PLCB1: variants seen among roughly 807,000 people sequenced by gnomAD.
PLCB1 encodes the protein phospholipase C beta 1.
A neutral mutation model predicts 161.8 loss-of-function variants in PLCB1; 46 were observed. That is an observed-to-expected ratio of 0.28 (90% CI 0.22 to 0.36). The LOEUF (loss-of-function observed/expected upper bound fraction) is 0.36, where lower values mean the gene tolerates loss of function less well. PLCB1 is among the 10% of genes least tolerant of loss of function. The pLI, the probability that PLCB1 is intolerant of heterozygous loss-of-function variation, is 1.00. For missense variants in PLCB1, 1,016 were observed against 1,472.5 expected, an observed-to-expected ratio of 0.69 and a Z score of 5.07; for synonymous variants, 517 against 503.7, an observed-to-expected ratio of 1.03 and a Z score of -0.35.
intron 2 of PLCB1, among the ~76,000 whole-genome samples, chr20:8,260,323 A>G (rs1981630709): frequency 6.6e-6 from 1 of 151,262 alleles, no homozygotes; most frequent in African/African-American, 2.4e-5. Context: ...GGCTCAAGCA[A>G]TTCTCCCCTC....
intron 9 of PLCB1, among the ~76,000 whole-genome samples, chr20:8,665,295 A>G (rs977598656): frequency 2.0e-5 from 3 of 152,242 alleles, no homozygotes; most frequent in African/African-American, 4.8e-5. Context: ...ATTAAATAAG[A>G]TGCTTTTGTT....
intron 25 of PLCB1, among the ~76,000 whole-genome samples, chr20:8,762,331 C>G (rs1484881109): frequency 6.6e-6 from 1 of 152,102 alleles, no homozygotes; most frequent in Non-Finnish European, 1.5e-5. Flanking sequence ...AGGCAATGGT[C>G]TGTACCAATA....
chr20:8,866,689 C>T (rs1476331918), intron 31 of PLCB1, among the ~76,000 whole-genome samples: 1 of 152,174 alleles, frequency 6.6e-6, no homozygotes, highest in African/African-American at 2.4e-5. Flanking sequence ...GCTCCTGTCA[C>T]TCGTTTGCCT....
At chr20:8,161,623 A>G (rs1169604656) in intron 2 of PLCB1, among the ~76,000 whole-genome samples, 5 of 152,190 alleles carry the variant, frequency 3.3e-5, no homozygotes, top group Non-Finnish European at 5.9e-5. Flanking sequence ...CAGTAGGCCT[A>G]GTACATTTGC....
intron 2 of PLCB1, among the ~76,000 whole-genome samples, chr20:8,219,871 G>GTATTTATAAGTATATT (rs2123160931): frequency 6.6e-6 from 1 of 152,228 alleles, no homozygotes; most frequent in African/African-American, 2.4e-5. Flanking sequence ...TTTATAAGTA[G>GTATTTATAAGTATATT]TACATGTGGC....
At chr20:8,584,094 A>G (rs1332983828) in intron 3 of PLCB1, among the ~76,000 whole-genome samples, 1 of 152,218 alleles carries the variant, frequency 6.6e-6, no homozygotes, top group Non-Finnish European at 1.5e-5. Context: ...CTACAAGAAG[A>G]ACACTTCTAG....
chr20:8,371,161 CT>C (rs939309986), intron 2 of PLCB1: 13 of 504,346 alleles, frequency 2.6e-5, no homozygotes, highest in African/African-American at 2.5e-4. Context: ...TAACCACACA[CT>C]TTTTGCTTTC....
At chr20:8,357,483 G>A (rs1317269494) in intron 2 of PLCB1, among the ~76,000 whole-genome samples, 3 of 152,066 alleles carry the variant, frequency 2.0e-5, no homozygotes, top group Non-Finnish European at 4.4e-5. Flanking sequence ...CTAATACAGT[G>A]ATTTTTTTTC....
At chr20:8,430,645 T>G (rs556803267) in intron 3 of PLCB1, among the ~76,000 whole-genome samples, 1 of 152,342 alleles carries the variant, frequency 6.6e-6, no homozygotes, top group South Asian at 2.1e-4. Flanking sequence ...AAATTTCCTA[T>G]TTTGATTCTT....
intron 31 of PLCB1, among the ~76,000 whole-genome samples, chr20:8,845,184 G>A (rs1297167063): frequency 6.6e-6 from 1 of 152,116 alleles, no homozygotes; most frequent in Admixed American, 6.5e-5. Context: ...CAGATCATGA[G>A]TTCTTTTGGT....
At chr20:8,200,904 G>C (rs1432848397) in intron 2 of PLCB1, among the ~76,000 whole-genome samples, 1 of 152,014 alleles carries the variant, frequency 6.6e-6, no homozygotes, top group Non-Finnish European at 1.5e-5. Flanking sequence ...ATTAAGATCT[G>C]TTCCCTTTTA....
chr20:8,775,881 T>C (rs979156968), intron 27 of PLCB1, among the ~76,000 whole-genome samples: 1 of 152,184 alleles, frequency 6.6e-6, no homozygotes, highest in African/African-American at 2.4e-5. Context: ...CAGGATTTAC[T>C]TTTTAACAAG....
At chr20:8,171,504 G>C (rs1054266032) in intron 2 of PLCB1, among the ~76,000 whole-genome samples, 3 of 152,036 alleles carry the variant, frequency 2.0e-5, no homozygotes, top group Admixed American at 2.0e-4. Context: ...CATCTGCCTG[G>C]GTTTGAATCC....
intron 2 of PLCB1, among the ~76,000 whole-genome samples, chr20:8,230,238 C>T (rs1412332099): frequency 6.6e-6 from 1 of 152,034 alleles, no homozygotes; most frequent in Admixed American, 6.6e-5. Flanking sequence ...TCTGATCAGA[C>T]TATCCTACTA....
intron 2 of PLCB1, among the ~76,000 whole-genome samples, chr20:8,304,779 A>G (rs769604849): frequency 5.3e-5 from 8 of 152,152 alleles, no homozygotes; most frequent in Non-Finnish European, 1.2e-4. Flanking sequence ...CAACAACTGT[A>G]TGAACTGGTT....
At chr20:8,251,381 A>C (rs1981135334) in intron 2 of PLCB1, among the ~76,000 whole-genome samples, 1 of 151,904 alleles carries the variant, frequency 6.6e-6, no homozygotes, top group African/African-American at 2.4e-5. Context: ...AGGGAGAGTA[A>C]GGAAAGTAGC....
At chr20:8,659,780 T>C (rs537038786) in intron 9 of PLCB1, among the ~76,000 whole-genome samples, 1 of 152,082 alleles carries the variant, frequency 6.6e-6, no homozygotes, top group African/African-American at 2.4e-5. Flanking sequence ...TCACTTTAGG[T>C]CAGGAGTTCA....
chr20:8,282,643 T>G (rs1012248275), intron 2 of PLCB1, among the ~76,000 whole-genome samples: 1 of 152,144 alleles, frequency 6.6e-6, no homozygotes, highest in African/African-American at 2.4e-5. Context: ...TGAAATCCAC[T>G]TGGGTAAAAA....
At chr20:8,629,838 TTTC>T (rs1988485930) in intron 4 of PLCB1, among the ~76,000 whole-genome samples, 2 of 91,330 alleles carry the variant, frequency 2.2e-5, no homozygotes, top group East Asian at 4.9e-4. Flanking sequence ...TCTTTCTTTC[TTTC>T]TTTCTTTCTT....
Sources: allele counts gnomAD v4.1 joint callset (sites outside exome capture counted in the v4.1 genomes callset), GRCh38; gene constraint gnomAD v4.1.1; transcripts MANE v1.5; gene names NCBI Gene and HGNC (gene_info 2026-07-23, HGNC 2026-07-21).